The following NR2F1-AS1 variants were observed in gnomAD, a reference collection of about 807,000 sequenced individuals.
NR2F1-AS1 encodes NR2F1 regulatory antisense RNA 1.
chr5:93,469,102 A>G (rs1330560975), intron 4 of NR2F1-AS1, among the ~76,000 whole-genome samples: 1 of 151,864 alleles, frequency 6.6e-6, no homozygotes, highest in Non-Finnish European at 1.5e-5. Flanking sequence ...TATTTTTGAT[A>G]CTCTCTAAAT....
At chr5:93,563,341 T>C (rs2149921273) in intron 2 of NR2F1-AS1, 1 of 152,328 alleles carries the variant, frequency 6.6e-6, no homozygotes, top group African/African-American at 2.4e-5. Flanking sequence ...GCTGGTTTAG[T>C]GGTTAAGTCT....
In NR2F1-AS1 at chr5:93,548,183, A is replaced by G. The variant is rs369787792; in HGVS notation, n.638+5578T>C. ...GACTGTCCTATTACTAAATTGCTCA[A>G]TGGGAGCAATTAAGCATCAAGTTGT... On this transcript the variant is annotated intron_variant and non_coding_transcript_variant, in intron 4 of 5. Coordinates refer to ENST00000660523, the Ensembl canonical transcript of NR2F1-AS1. 3.4e-4 allele frequency among the ~76,000 whole-genome samples: 52 copies of G among 152,302 alleles called. No homozygotes were observed. In the East Asian group the frequency reaches 8.9e-3, roughly 26 times the overall value.
intron 4 of NR2F1-AS1, among the ~76,000 whole-genome samples, chr5:93,424,953 G>A (rs935955745): frequency 6.6e-6 from 1 of 152,110 alleles, no homozygotes; most frequent in Non-Finnish European, 1.5e-5. Flanking sequence ...CCTTAATATG[G>A]TATCAGATAT....
At chr5:93,461,506 T>TA (rs553662178) in intron 4 of NR2F1-AS1, among the ~76,000 whole-genome samples, 91 of 151,482 alleles carry the variant, frequency 6.0e-4, no homozygotes, top group Non-Finnish European at 1.0e-3. Flanking sequence ...AGTGGGAAAT[T>TA]AAAAAAAAAT....
intron 4 of NR2F1-AS1, among the ~76,000 whole-genome samples, chr5:93,531,814 C>T (rs1209686847): frequency 6.6e-6 from 1 of 152,116 alleles, no homozygotes; most frequent in Non-Finnish European, 1.5e-5. Flanking sequence ...CAGACTAACA[C>T]AATAACCAAT....
intron 1 of NR2F1-AS1, among the ~76,000 whole-genome samples, chr5:93,572,067 G>A (rs1051253010): frequency 2.2e-4 from 33 of 152,200 alleles, no homozygotes; most frequent in Admixed American, 2.1e-3. Context: ...ACCGGGCGGC[G>A]GGACCCAGCT....
chr5:93,529,713 T>G (rs1751694249), intron 4 of NR2F1-AS1, among the ~76,000 whole-genome samples: 1 of 152,174 alleles, frequency 6.6e-6, no homozygotes, highest in Non-Finnish European at 1.5e-5. Context: ...GTTTTTCACA[T>G]GTAGGTCAGT....
chr5:93,569,075 A>C (rs567842800), intron 1 of NR2F1-AS1, among the ~76,000 whole-genome samples: 7 of 151,844 alleles, frequency 4.6e-5, no homozygotes, highest in Non-Finnish European at 1.0e-4. Flanking sequence ...CCCAGTATCC[A>C]CTCTAGTCTC....
intron 1 of NR2F1-AS1, among the ~76,000 whole-genome samples, chr5:93,576,148 C>T (rs1752888799): frequency 6.6e-6 from 1 of 152,202 alleles, no homozygotes; most frequent in African/African-American, 2.4e-5. Flanking sequence ...CCCTTTCACA[C>T]CAACCTGAGC....
At chr5:93,440,465 C>T (rs1051543759) in intron 4 of NR2F1-AS1, among the ~76,000 whole-genome samples, 1 of 152,204 alleles carries the variant, frequency 6.6e-6, no homozygotes, top group East Asian at 1.9e-4. Flanking sequence ...TTTCTCTCTA[C>T]TTGTCTTCAA....
At chr5:93,470,975 T>C (rs369456450) in intron 4 of NR2F1-AS1, among the ~76,000 whole-genome samples, 44 of 152,004 alleles carry the variant, frequency 2.9e-4, no homozygotes, top group Middle Eastern at 3.4e-3. Flanking sequence ...GATATGACTA[T>C]GTCAAACTGG....
chr5:93,450,880 A>G (rs1749811575), intron 4 of NR2F1-AS1, among the ~76,000 whole-genome samples: 1 of 138,118 alleles, frequency 7.2e-6, no homozygotes, highest in Non-Finnish European at 1.5e-5. Context: ...GCACCACTGC[A>G]TTCTCTCCTG....
chr5:93,478,808 T>A (rs534678537), intron 4 of NR2F1-AS1, among the ~76,000 whole-genome samples: 17 of 152,320 alleles, frequency 1.1e-4, no homozygotes, highest in African/African-American at 3.6e-4. Context: ...ATGATCCTCA[T>A]GTTTTATATT....
At chr5:93,464,244 C>A (rs1750169566) in intron 4 of NR2F1-AS1, among the ~76,000 whole-genome samples, 1 of 152,126 alleles carries the variant, frequency 6.6e-6, no homozygotes, top group Non-Finnish European at 1.5e-5. Context: ...AGTTTCACTG[C>A]ACAAGCTCTC....
intron 4 of NR2F1-AS1, among the ~76,000 whole-genome samples, chr5:93,483,089 C>T (rs1481020842): frequency 2.0e-5 from 3 of 152,152 alleles, no homozygotes; most frequent in Non-Finnish European, 4.4e-5. Context: ...GCACAGCGCT[C>T]GATCTCTGCT....
intron 1 of NR2F1-AS1, among the ~76,000 whole-genome samples, chr5:93,572,081 G>T (rs535641244): frequency 6.6e-6 from 1 of 152,332 alleles, no homozygotes; most frequent in Admixed American, 6.5e-5. Context: ...CCCAGCTGCC[G>T]CGCAGGTAAA....
At chr5:93,458,010 C>T (rs943229802) in intron 4 of NR2F1-AS1, among the ~76,000 whole-genome samples, 11 of 152,174 alleles carry the variant, frequency 7.2e-5, no homozygotes, top group South Asian at 2.1e-4. Flanking sequence ...TCAGTGACGA[C>T]GCTTGAGCGT....
intron 4 of NR2F1-AS1, among the ~76,000 whole-genome samples, chr5:93,495,783 A>G (rs986913894): frequency 7.2e-5 from 11 of 152,034 alleles, no homozygotes; most frequent in Admixed American, 6.6e-4. Context: ...AATATGATGA[A>G]GAGGAAATTA....
At chr5:93,512,402 T>G (rs1340021985) in intron 4 of NR2F1-AS1, among the ~76,000 whole-genome samples, 1 of 152,174 alleles carries the variant, frequency 6.6e-6, no homozygotes, top group Admixed American at 6.6e-5. Context: ...TACAAAAGAG[T>G]CAAAATGTTT....
Sources: gnomAD v4.1 joint callset for allele counts (sites outside exome capture counted in the v4.1 genomes callset) on GRCh38, gnomAD v4.1.1 for gene constraint, MANE v1.5 for transcripts, NCBI Gene and HGNC (gene_info 2026-07-23, HGNC 2026-07-21) for gene names.